The following SEC14L1 variants were observed in gnomAD, a reference collection of about 807,000 sequenced individuals.
SEC14L1 encodes SEC14 like lipid binding 1.
Under a neutral mutation model 85.3 loss-of-function variants are expected in SEC14L1, and 48 were observed. The observed-to-expected ratio is 0.56, with a 90% confidence interval of 0.45 to 0.72. SEC14L1 has a LOEUF of 0.72. Ranked by LOEUF, SEC14L1 falls within the 30% of genes least tolerant of loss-of-function variation. The probability of loss-of-function intolerance (pLI) is 0.00; values close to 1 mark genes in which losing one functional copy is unlikely to be tolerated. For synonymous variants in SEC14L1, 391 were observed against 355.5 expected (o/e 1.10, Z -1.12); for missense variants, 682 against 921.4 (o/e 0.74, Z 3.36).
chr17:77,155,359 CA>C lies in SEC14L1; in HGVS notation c.63+11702del, dbSNP rs572624345. On this transcript the variant is annotated intron_variant, in intron 3 of 16. Transcript: ENST00000436233. ...ACACCCACCCCAGTAAAAACCAAAC[CA>C]ATAAAACACCACTCAGAAGCTCTCC... Among the ~76,000 whole-genome samples, 708 of 152,260 alleles carry C rather than the reference CA, an allele frequency of 4.6e-3. 2 individuals carry two copies. Among genetic ancestry groups the C allele is most frequent in the Non-Finnish European group, 7.2e-3 (489 of 68,002 alleles).
intron 10 of SEC14L1, 97 bp downstream of exon 10, chr17:77,203,755 A>G: frequency 5.8e-6 from 5 of 857,930 alleles, no homozygotes; most frequent in Non-Finnish European, 9.4e-6. Flanking sequence ...TAGAACAAAC[A>G]TGAATTGCTT....
At chr17:77,125,832 A>G (rs11870678) in intron 3 of SEC14L1, among the ~76,000 whole-genome samples, 56,460 of 152,070 alleles carry the variant, frequency 0.37, 11,122 homozygotes, top group African/African-American at 0.51. Context: ...AAGGAAGAAC[A>G]AAAAGCCAAA....
intron 3 of SEC14L1, among the ~76,000 whole-genome samples, chr17:77,153,823 G>C (rs2143585492): frequency 6.6e-6 from 1 of 152,324 alleles, no homozygotes; most frequent in African/African-American, 2.4e-5. Context: ...CTGTAGAGAG[G>C]ATTTTGGTTG....
intron 3 of SEC14L1, among the ~76,000 whole-genome samples, chr17:77,107,378 C>A (rs1048437279): frequency 8.6e-5 from 13 of 152,040 alleles, no homozygotes; most frequent in Non-Finnish European, 1.9e-4. Context: ...AGCTATTGAG[C>A]GCTGGGTAGG....
At chr17:77,189,802 G>C (rs879562803) in intron 3 of SEC14L1, among the ~76,000 whole-genome samples, 1 of 152,106 alleles carries the variant, frequency 6.6e-6, no homozygotes, top group Non-Finnish European at 1.5e-5. Flanking sequence ...CTAATTTTTT[G>C]TATCTTTAGT....
At chr17:77,147,052 T>TCC (rs984356388) in intron 3 of SEC14L1, among the ~76,000 whole-genome samples, 1 of 152,138 alleles carries the variant, frequency 6.6e-6, no homozygotes, top group African/African-American at 2.4e-5. Context: ...TGTGAGCACG[T>TCC]CAGAAAGCGA....
chr17:77,155,062 A>G (rs1037232428), intron 3 of SEC14L1, among the ~76,000 whole-genome samples: 10 of 152,190 alleles, frequency 6.6e-5, no homozygotes, highest in African/African-American at 1.9e-4. Flanking sequence ...TATTTTAGGC[A>G]TAGCTATCTG....
chr17:77,121,590 C>CTCGT (rs1279019822), intron 3 of SEC14L1, among the ~76,000 whole-genome samples: 2 of 152,186 alleles, frequency 1.3e-5, no homozygotes, highest in African/African-American at 4.8e-5. Context: ...ATCTCCTGAC[C>CTCGT]TCGTGATCCA....
intron 3 of SEC14L1, among the ~76,000 whole-genome samples, chr17:77,168,947 C>T (rs1429452884): frequency 6.7e-6 from 1 of 149,086 alleles, no homozygotes; most frequent in African/African-American, 2.5e-5. Flanking sequence ...TCTGGTACCT[C>T]TTGTGGGACC....
chr17:77,116,427 G>A (rs952877790), intron 3 of SEC14L1, among the ~76,000 whole-genome samples: 2 of 152,070 alleles, frequency 1.3e-5, no homozygotes, highest in Admixed American at 6.6e-5. Context: ...GTGTCACACA[G>A]AGGAAATGAA....
At chr17:77,116,213 C>A (rs1972169285) in intron 3 of SEC14L1, among the ~76,000 whole-genome samples, 1 of 152,206 alleles carries the variant, frequency 6.6e-6, no homozygotes, top group Non-Finnish European at 1.5e-5. Flanking sequence ...AGCCACCACA[C>A]CCGGCTGACA....
intron 3 of SEC14L1, among the ~76,000 whole-genome samples, chr17:77,118,212 C>T (rs924871461): frequency 2.0e-5 from 3 of 152,240 alleles, no homozygotes; most frequent in East Asian, 3.9e-4. Flanking sequence ...TTTTCCCTAT[C>T]GTTTATCCTG....
At chr17:77,181,844 A>G (rs2143744865) in intron 3 of SEC14L1, among the ~76,000 whole-genome samples, 1 of 151,496 alleles carries the variant, frequency 6.6e-6, no homozygotes, top group Non-Finnish European at 1.5e-5. Context: ...TGTTACTTTG[A>G]TAGTGTGTGA....
intron 3 of SEC14L1, among the ~76,000 whole-genome samples, chr17:77,131,552 G>T (rs557140767): frequency 1.3e-5 from 2 of 152,234 alleles, no homozygotes; most frequent in Admixed American, 6.5e-5. Context: ...TTACAGGCGT[G>T]AGCCACCACA....
chr17:77,183,220 A>G (rs1479910986), intron 3 of SEC14L1, among the ~76,000 whole-genome samples: 1 of 152,254 alleles, frequency 6.6e-6, no homozygotes, highest in East Asian at 1.9e-4. Context: ...TTTTCAAACT[A>G]TTAATGGCTT....
intron 3 of SEC14L1, among the ~76,000 whole-genome samples, chr17:77,107,795 T>C (rs1971948571): frequency 6.6e-6 from 1 of 152,198 alleles, no homozygotes; most frequent in Admixed American, 6.5e-5. Flanking sequence ...GTTTTCAAGC[T>C]TTACTTGGAG....
intron 3 of SEC14L1, chr17:77,181,138 GT>G (rs1295360874): frequency 6.6e-6 from 1 of 152,212 alleles, no homozygotes; most frequent in Non-Finnish European, 1.5e-5. Flanking sequence ...GGAAACTGAT[GT>G]TCTATAAGTA....
intron 3 of SEC14L1, among the ~76,000 whole-genome samples, chr17:77,120,090 G>A (rs1033757502): frequency 1.3e-5 from 2 of 152,148 alleles, no homozygotes; most frequent in Admixed American, 6.6e-5. Context: ...GTGAATCATG[G>A]CCAGGTGTGG....
In SEC14L1 at chr17:77,191,883, G is replaced by A. The variant is rs1322898484; in HGVS notation, c.345+571G>A. 1.9e-4 allele frequency among the ~76,000 whole-genome samples: 28 copies of A among 151,104 alleles called. 1 individual carries two copies. The highest frequency in any genetic ancestry group is 1.8e-3 in the Admixed American group (28 of 15,162). On this transcript the variant is annotated intron_variant, in intron 5 of 16. Coordinates refer to ENST00000436233, the MANE Select transcript of SEC14L1 (RefSeq NM_001143998.2). ...ACAGTCTCAGCTCACTGCAACCTCT[G>A]CCTCCCAGGTTCAAGTTATTCTCAT...
Sources: gnomAD v4.1 joint callset for allele counts (sites outside exome capture counted in the v4.1 genomes callset) on GRCh38, gnomAD v4.1.1 for gene constraint, MANE v1.5 for transcripts, NCBI Gene and HGNC (gene_info 2026-07-23, HGNC 2026-07-21) for gene names.